The following CDC14B variants were observed in gnomAD, a reference collection of about 807,000 sequenced individuals.
CDC14B encodes dual specificity protein phosphatase CDC14B.
Under a neutral mutation model 64.2 loss-of-function variants are expected in CDC14B, and 22 were observed. The observed-to-expected ratio is 0.34, with a 90% CI of 0.24 to 0.49. The LOEUF (loss-of-function observed/expected upper bound fraction) is 0.49. CDC14B is among the 20% of genes least tolerant of loss of function. The pLI is 0.99. For missense variants in CDC14B, 498 were observed against 629.9 expected (o/e 0.79, Z 2.24); for synonymous variants, 191 against 215.8 (o/e 0.89, Z 1.01).
At chr9:96,573,972 C>A (rs1844636882) in intron 1 of CDC14B, among the ~76,000 whole-genome samples, 1 of 152,040 alleles carries the variant, frequency 6.6e-6, no homozygotes, top group African/African-American at 2.4e-5. Flanking sequence ...GTGGTGAAAC[C>A]CTGTCTCTAC....
intron 12 of CDC14B, among the ~76,000 whole-genome samples, chr9:96,514,039 T>TA (rs1291809252): frequency 6.6e-6 from 1 of 152,204 alleles, no homozygotes; most frequent in Non-Finnish European, 1.5e-5. Context: ...AACACCACTG[T>TA]AACTGTCACA....
At chr9:96,599,965 C>A (rs1180591248) in intron 1 of CDC14B, among the ~76,000 whole-genome samples, 2 of 152,236 alleles carry the variant, frequency 1.3e-5, no homozygotes, top group East Asian at 3.9e-4. Context: ...CTCTTGACCT[C>A]GTGATCCATC....
intron 1 of CDC14B, 64 bp downstream of exon 1, chr9:96,619,154 TG>T: frequency 8.4e-7 from 1 of 1,190,982 alleles, no homozygotes; most frequent in Non-Finnish European, 1.0e-6. Context: ...CGGTGGGAGG[TG>T]GGCCAGGGCC....
intron 1 of CDC14B, among the ~76,000 whole-genome samples, chr9:96,603,956 C>T (rs1846681416): frequency 6.6e-6 from 1 of 152,322 alleles, no homozygotes; most frequent in South Asian, 2.1e-4. Context: ...GAAACATTCC[C>T]AAGAGTGCCA....
intron 9 of CDC14B, among the ~76,000 whole-genome samples, chr9:96,532,326 G>A (rs112564162): frequency 5.3e-5 from 8 of 152,222 alleles, no homozygotes; most frequent in African/African-American, 1.9e-4. Flanking sequence ...CTTCTGGCCT[G>A]CAATGTTTCT....
rs1367332837 is a variant in CDC14B, at chr9:96,503,628, T to C, written c.*125A>G. 1 of 794,904 alleles carries C rather than the reference T, an allele frequency of 1.3e-6. No individual in the cohort carries two copies. Among genetic ancestry groups the C allele is most frequent in the Non-Finnish European group, 2.1e-6 (1 of 477,186 alleles). The allele number at this position is 794,904 out of a possible 1,614,324, so 49.2% of individuals were successfully genotyped here. On this transcript the variant is annotated 3_prime_UTR_variant, in exon 14 of 14. Transcript: ENST00000375241. Reference sequence around the variant, plus strand: ...CTCCAGTGGACATTTTCTCCATTGATCAACTTCTTAGGTGGAAAAAGCAAC... The same window carrying C: ...CTCCAGTGGACATTTTCTCCATTGACCAACTTCTTAGGTGGAAAAAGCAAC...
At chr9:96,617,728 CT>C (rs1847720292) in intron 1 of CDC14B, among the ~76,000 whole-genome samples, 1 of 152,198 alleles carries the variant, frequency 6.6e-6, no homozygotes, top group African/African-American at 2.4e-5. Context: ...CACTTGGAGA[CT>C]GTGAGACCAA....
chr9:96,554,109 A>C (rs1842185759), intron 4 of CDC14B, among the ~76,000 whole-genome samples: 1 of 152,208 alleles, frequency 6.6e-6, no homozygotes. Context: ...GGTTGCAGTG[A>C]GCCGAGATCG....
At chr9:96,569,751 A>G (rs1844363276) in intron 1 of CDC14B, among the ~76,000 whole-genome samples, 1 of 152,030 alleles carries the variant, frequency 6.6e-6, no homozygotes. Flanking sequence ...CAGCCTCCCA[A>G]GTAGCTGGGA....
rs1213903390 is a variant in CDC14B, at chr9:96,500,310, GT to G, written c.*3442del. 1 of 152,360 alleles carries G rather than the reference GT, an allele frequency of 6.6e-6. No homozygotes were observed. The highest frequency in any genetic ancestry group is 2.4e-5 in the African/African-American group (1 of 41,390). The allele number at this position is 152,360 out of a possible 1,614,324, so 9.4% of individuals were successfully genotyped here. Reference sequence around the variant, plus strand: ...AGGAAAATAAACATTCATTCAACCAGTTCTCTTGGCTTTAAAAAATATGATT... The same window carrying G: ...AGGAAAATAAACATTCATTCAACCAGTCTCTTGGCTTTAAAAAATATGATT... On this transcript the variant is annotated 3_prime_UTR_variant, in exon 14 of 14. Transcript: ENST00000375241.
At chr9:96,530,652 G>A (rs1386893613) in intron 9 of CDC14B, among the ~76,000 whole-genome samples, 1 of 144,796 alleles carries the variant, frequency 6.9e-6, no homozygotes, top group African/African-American at 2.8e-5. Flanking sequence ...GTCTAATTTC[G>A]ATTTTTTTTT....
At position 96,596,688 on chromosome 9, in the gene CDC14B, C is replaced by T. The variant is rs1041169841; in HGVS notation, c.160+22531G>A. Among the ~76,000 whole-genome samples the T allele has an allele frequency of 9.9e-5, 15 of 152,022 alleles. 1 individual carries two copies. In the East Asian group the frequency reaches 2.7e-3, roughly 28 times the overall value. ...CCAGCCTGGATAAGATTGTAAAATCCTGTCTCTACAAAAAATACAAAAATT... is the reference window on the plus strand; with the variant it reads ...CCAGCCTGGATAAGATTGTAAAATCTTGTCTCTACAAAAAATACAAAAATT... On this transcript the variant is annotated intron_variant, in intron 1 of 13. Coordinates refer to ENST00000375241, the MANE Select transcript of CDC14B (RefSeq NM_033331.4).
chr9:96,548,342 C>G (rs1462071119), intron 5 of CDC14B, among the ~76,000 whole-genome samples: 2 of 151,884 alleles, frequency 1.3e-5, no homozygotes, highest in African/African-American at 4.8e-5. Flanking sequence ...ACAGATAATA[C>G]CAGAGAACAG....
intron 4 of CDC14B, among the ~76,000 whole-genome samples, chr9:96,558,048 G>T (rs1354099955): frequency 6.6e-6 from 1 of 152,146 alleles, no homozygotes; most frequent in Non-Finnish European, 1.5e-5. Flanking sequence ...TGTAACCAAA[G>T]TTGAAAGACA....
At chr9:96,616,771 T>G (rs998346800) in intron 1 of CDC14B, among the ~76,000 whole-genome samples, 1 of 151,138 alleles carries the variant, frequency 6.6e-6, no homozygotes, top group Non-Finnish European at 1.5e-5. Flanking sequence ...TTTAGAAGTG[T>G]GCATGCACTG....
At chr9:96,603,249 T>C (rs1846629158) in intron 1 of CDC14B, among the ~76,000 whole-genome samples, 1 of 151,778 alleles carries the variant, frequency 6.6e-6, no homozygotes, top group South Asian at 2.1e-4. Flanking sequence ...TGACAGATTA[T>C]GGGGAGGGAA....
chr9:96,518,280 G>A (rs1234079435), intron 12 of CDC14B, among the ~76,000 whole-genome samples: 2 of 152,130 alleles, frequency 1.3e-5, no homozygotes, highest in Admixed American at 1.3e-4. Context: ...ACTTTAGGAG[G>A]CTGAGGCGGG....
rs377743523 is a variant in CDC14B at position 96,551,221 on chromosome 9, A to G, written c.497+575T>C. Among the ~76,000 whole-genome samples the G allele has an allele frequency of 2.7e-5, 4 of 150,190 alleles. No individual in the cohort carries two copies. The East Asian group carries it at 7.8e-4, about 29-fold the overall frequency. ...ACCCTCGAACTCCTAGGCTCAAACAATCCTCCAGCCTCAGTCTCCCAAGTA... is the reference window on the plus strand; with the variant it reads ...ACCCTCGAACTCCTAGGCTCAAACAGTCCTCCAGCCTCAGTCTCCCAAGTA... On this transcript the variant is annotated intron_variant, in intron 5 of 13. Coordinates refer to ENST00000375241, the MANE Select transcript of CDC14B (RefSeq NM_033331.4).
chr9:96,577,851 A>AT (rs1844903491), intron 1 of CDC14B, among the ~76,000 whole-genome samples: 1 of 152,248 alleles, frequency 6.6e-6, no homozygotes, highest in African/African-American at 2.4e-5. Flanking sequence ...TAGAATCATT[A>AT]TTTATAATAG....
Sources: allele counts gnomAD v4.1 joint callset (sites outside exome capture counted in the v4.1 genomes callset), GRCh38; gene constraint gnomAD v4.1.1; transcripts MANE v1.5; gene names NCBI Gene and HGNC (gene_info 2026-07-23, HGNC 2026-07-21).